Variants in FOXP2 observed in about 807,000 individuals in gnomAD.
The protein encoded by FOXP2 is forkhead box P2.
In FOXP2, 12 loss-of-function variants were observed where a neutral mutation model predicts 115.8. The ratio of observed to expected loss-of-function variants is 0.10; its 90% CI spans 0.07 to 0.17. The LOEUF (loss-of-function observed/expected upper bound fraction) is 0.17. Ranked by LOEUF, FOXP2 falls within the 10% of genes least tolerant of loss-of-function variation. The pLI, the probability that FOXP2 is intolerant of heterozygous loss-of-function variation, is 1.00. For missense variants in FOXP2, 629 were observed against 843.5 expected, an observed-to-expected ratio of 0.75 and a Z score of 3.15; for synonymous variants, 328 against 297.7, an observed-to-expected ratio of 1.10 and a Z score of -1.05.
intron 16 of FOXP2, chr7:114,665,145 C>A (rs1044290258): frequency 2.6e-5 from 4 of 152,044 alleles, no homozygotes; most frequent in Admixed American, 2.6e-4. Context: ...TTGTGGATTT[C>A]AGAAATGTGT....
chr7:114,570,834 A>G (rs1290740831), intron 3 of FOXP2: 9 of 1,612,006 alleles, frequency 5.6e-6, no homozygotes, highest in Non-Finnish European at 7.6e-6. Context: ...AAAATTATGT[A>G]TCTGTGGCCA....
chr7:114,208,664 G>A (rs1388617170), intron 1 of FOXP2, among the ~76,000 whole-genome samples: 1 of 151,998 alleles, frequency 6.6e-6, no homozygotes, highest in African/African-American at 2.4e-5. Flanking sequence ...GAGGGACCTG[G>A]TGGGAGGTAA....
rs1793287063 is a variant in FOXP2 at position 114,415,300 on chromosome 7, C to T, written c.-71C>T. On this transcript the variant is annotated 5_prime_UTR_variant, in exon 1 of 17. Coordinates refer to ENST00000350908, the MANE Select transcript of FOXP2 (RefSeq NM_014491.4). ...TTTTTGAATCTTCCTAATTTTTCAT[C>T]TCTTTAACAAACTCCTATGAAGTTG... 1 of 453,374 alleles carries T rather than the reference C, an allele frequency of 2.2e-6. No individual in the cohort carries two copies. Among genetic ancestry groups the T allele is most frequent in the Non-Finnish European group, 4.4e-6 (1 of 226,628 alleles). 28.1% of individuals were successfully genotyped at this position (453,374 alleles called of 1,614,324 possible). A position where few individuals can be genotyped will look rare whatever the true frequency, so the allele number is the denominator to read the frequency against.
intron 14 of FOXP2, 75 bp from the exon 15 acceptor site, chr7:114,663,375 T>A (rs1041745318): frequency 4.5e-6 from 5 of 1,106,476 alleles, no homozygotes; most frequent in African/African-American, 1.6e-5. Flanking sequence ...AGAACATACC[T>A]TTATAGCTGA....
chr7:114,114,226 A>AATAT (rs761651720), intron 1 of FOXP2, among the ~76,000 whole-genome samples: 1 of 149,426 alleles, frequency 6.7e-6, no homozygotes, highest in Non-Finnish European at 1.5e-5. Flanking sequence ...GAAAAAGAAG[A>AATAT]ATATATATAT....
rs139043208 is a variant in FOXP2 at position 114,124,809 on chromosome 7, C to T, written c.-247+36971C>T. ...ATTCCCTCCATTCCTTATCCCTCCT[C>T]CTTTATCTACATCATTATGTCATCT... On this transcript the variant is annotated intron_variant, in intron 1 of 19. Coordinates refer to the FOXP2 transcript ENST00000635638. Among the ~76,000 whole-genome samples the T allele has an allele frequency of 7.8e-4, 119 of 152,182 alleles. 1 individual carries two copies. The highest frequency in any genetic ancestry group is 2.8e-3 in the African/African-American group (116 of 41,544).
In FOXP2 at chr7:114,208,207, C is replaced by T. The variant is rs768199688; in HGVS notation, c.-102+45119C>T. 5.3e-5 allele frequency among the ~76,000 whole-genome samples: 8 copies of T among 152,272 alleles called. No individual in the cohort carries two copies. In the South Asian group the frequency reaches 8.3e-4, roughly 16 times the overall value. Reference sequence around the variant, plus strand: ...GCTGTCCAAGACCATGGGAACCCACCGCTTTCATCAGTATGACCTGGATGT... The same window carrying T: ...GCTGTCCAAGACCATGGGAACCCACTGCTTTCATCAGTATGACCTGGATGT... On this transcript the variant is annotated intron_variant, in intron 1 of 17. Coordinates refer to the FOXP2 transcript ENST00000634411.
chr7:114,218,347 G>A (rs1794535065), intron 1 of FOXP2, among the ~76,000 whole-genome samples: 1 of 152,120 alleles, frequency 6.6e-6, no homozygotes, highest in African/African-American at 2.4e-5. Context: ...TATTGTTAGA[G>A]TAGTAGATGT....
At chr7:114,605,627 G>A (rs1358766724) in intron 3 of FOXP2, among the ~76,000 whole-genome samples, 2 of 152,162 alleles carry the variant, frequency 1.3e-5, no homozygotes, top group South Asian at 2.1e-4. Flanking sequence ...AGCCTCGGAC[G>A]ATAAGGTTTG....
chr7:114,367,525 A>G (rs929032935), intron 2 of FOXP2, among the ~76,000 whole-genome samples: 1 of 152,162 alleles, frequency 6.6e-6, no homozygotes, highest in Non-Finnish European at 1.5e-5. Context: ...GTTACTAAAT[A>G]TCATCATCTG....
chr7:114,673,630 T>C (rs1437925327), intron 16 of FOXP2, among the ~76,000 whole-genome samples: 2 of 152,198 alleles, frequency 1.3e-5, no homozygotes, highest in South Asian at 2.1e-4. Context: ...GATATACATA[T>C]ATATGCATGC....
At chr7:114,649,585 T>C (rs777910855) in intron 8 of FOXP2, among the ~76,000 whole-genome samples, 1 of 152,118 alleles carries the variant, frequency 6.6e-6, no homozygotes, top group Non-Finnish European at 1.5e-5. Context: ...TAGTCATAAA[T>C]TCATAAATTC....
chr7:114,240,253 GTA>G, intron 1 of FOXP2, among the ~76,000 whole-genome samples: 1 of 152,150 alleles, frequency 6.6e-6, no homozygotes, highest in South Asian at 2.1e-4. Flanking sequence ...ACTTTTTCAT[GTA>G]TGTTTATCCT....
intron 1 of FOXP2, among the ~76,000 whole-genome samples, chr7:114,096,637 T>C (rs1339242526): frequency 1.3e-5 from 2 of 152,198 alleles, no homozygotes; most frequent in Admixed American, 6.5e-5. Context: ...TGATGCAGAA[T>C]TCTAAAATAC....
chr7:114,238,230 G>A (rs1258638466), intron 1 of FOXP2, among the ~76,000 whole-genome samples: 1 of 152,002 alleles, frequency 6.6e-6, no homozygotes, highest in African/African-American at 2.4e-5. Flanking sequence ...TCCCAAGACA[G>A]AACTTGACCT....
chr7:114,220,787 G>T (rs1264800917), intron 1 of FOXP2, among the ~76,000 whole-genome samples: 2 of 152,048 alleles, frequency 1.3e-5, no homozygotes, highest in African/African-American at 4.8e-5. Context: ...CAGTCCTAAG[G>T]TTAGTGTATT....
At chr7:114,613,397 C>T (rs777922728) in intron 3 of FOXP2, among the ~76,000 whole-genome samples, 89 of 152,052 alleles carry the variant, frequency 5.9e-4, no homozygotes, top group Non-Finnish European at 2.2e-4. Flanking sequence ...TTTTGGAGGC[C>T]GGGCTTGGTG....
At chr7:114,299,454 T>C (rs1796825637) in intron 2 of FOXP2, among the ~76,000 whole-genome samples, 2 of 152,034 alleles carry the variant, frequency 1.3e-5, no homozygotes, top group Admixed American at 1.3e-4. Context: ...AAACCAATTA[T>C]GATAATCCTA....
chr7:114,325,715 T>C (rs1159759382), intron 2 of FOXP2, among the ~76,000 whole-genome samples: 3 of 152,080 alleles, frequency 2.0e-5, no homozygotes, highest in Non-Finnish European at 4.4e-5. Context: ...AGAATAGGAA[T>C]GGATCACAGA....
Sources: gnomAD v4.1 joint callset for allele counts (sites outside exome capture counted in the v4.1 genomes callset) on GRCh38, gnomAD v4.1.1 for gene constraint, MANE v1.5 for transcripts, NCBI Gene and HGNC (gene_info 2026-07-23, HGNC 2026-07-21) for gene names.